The following KCNK17 variants were observed in gnomAD, a reference collection of about 807,000 sequenced individuals.
The protein encoded by KCNK17 is potassium two pore domain channel subfamily K member 17, also known as potassium channel subfamily K member 17.
In KCNK17, 27 loss-of-function variants were observed where a neutral mutation model predicts 24.6. The observed-to-expected ratio is 1.10, with a 90% CI of 0.81 to 1.51. The LOEUF is 1.51. KCNK17 is among the 40% of genes most tolerant of loss of function. The probability of loss-of-function intolerance (pLI) is 0.00; values close to 1 mark genes in which losing one functional copy is unlikely to be tolerated. For missense variants in KCNK17, 450 were observed against 436.6 expected, an observed-to-expected ratio of 1.03 and a Z score of -0.27; for synonymous variants, 181 against 189.8, an observed-to-expected ratio of 0.95 and a Z score of 0.38.
chr6:39,303,533 C>G (rs1232290540), intron 4 of KCNK17, among the ~76,000 whole-genome samples: 2 of 152,206 alleles, frequency 1.3e-5, no homozygotes, highest in African/African-American at 4.8e-5. Context: ...TCCCACAGGG[C>G]TCTGGGGAGG....
rs377699172 is a variant in KCNK17, at chr6:39,310,958, G to A, written c.287C>T (p.Thr96Ile). 4.3e-6 allele frequency: 7 copies of A among 1,610,914 alleles called. No homozygotes were observed. The African/African-American group carries it at 9.3e-5, about 22-fold the overall frequency. The change falls in exon 2 of 5, where the codon ACC becomes ATC. Residue 96 changes from threonine (T) to isoleucine (I), a missense_variant. Physicochemically the swap from Thr to Ile is moderately conservative, Grantham distance 89 (BLOSUM62 -1). Transcript: ENST00000373231. ...KNGASLLSNT[T>I]SMGRWELVGS... ...CACGAGCTCCCAGCGCCCCATGCTG[G>A]TGGTGTTGCTGAGGAGGCTGGCTCC...
At chr6:39,300,386 A>G (rs1380890033) in intron 4 of KCNK17, 1 of 1,138,832 alleles carries the variant, frequency 8.8e-7, no homozygotes, top group South Asian at 1.3e-5. Flanking sequence ...GGCCTCCCAA[A>G]GTGTTAGAAT....
chr6:39,306,245 T>C (rs557055710), intron 2 of KCNK17, among the ~76,000 whole-genome samples: 182 of 152,304 alleles, frequency 1.2e-3, no homozygotes, highest in Admixed American at 3.3e-3. Context: ...GGTTTTGCCA[T>C]GTTGGCCAGG....
chr6:39,305,585 C>G (rs764971626), intron 2 of KCNK17, among the ~76,000 whole-genome samples: 4 of 152,216 alleles, frequency 2.6e-5, no homozygotes, highest in Non-Finnish European at 5.9e-5. Context: ...TCTGGACATT[C>G]TTTTCTCCTC....
Position 39,299,301 on chromosome 6 carries a change from A to G in KCNK17, c.*126T>C. On this transcript the variant is annotated 3_prime_UTR_variant, in exon 5 of 5. Coordinates refer to ENST00000373231, the MANE Select transcript of KCNK17 (RefSeq NM_031460.4). ...TCTGTATACCCTATTGGGCAGAATT[A>G]ATCATATAGCTGCACCCAGCCTCTA... 7.0e-6 allele frequency: 5 copies of G among 710,784 alleles called. No individual in the cohort carries two copies. The highest frequency in any genetic ancestry group is 1.9e-5 in the South Asian group (1 of 53,102). 44.0% of individuals were successfully genotyped at this position (710,784 alleles called of 1,614,324 possible).
chr6:39,314,177 C>T lies in KCNK17; in HGVS notation c.144G>A (p.Ala48=), dbSNP rs1440459494. 5.1e-6 allele frequency: 8 copies of T among 1,558,850 alleles called. No individual in the cohort carries two copies. Among genetic ancestry groups the T allele is most frequent in the Non-Finnish European group, 6.9e-6 (8 of 1,156,012 alleles). Residue 48 remains alanine, a synonymous_variant, in exon 1 of 5, where the codon GCG becomes GCA. Transcript: ENST00000373231. ...GVFWTLEGRA[A]QDSSRSFQRD... ...GCTGGAAGCTGCGGCTGGAGTCCTG[C>T]GCCGCGCGGCCCTCCAGCGTCCAGA...
chr6:39,303,117 T>C (rs1761971349), intron 4 of KCNK17, among the ~76,000 whole-genome samples: 1 of 152,206 alleles, frequency 6.6e-6, no homozygotes, highest in Non-Finnish European at 1.5e-5. Context: ...ATTGTTGCTG[T>C]AGGTTGCCTG....
rs747419286 is a variant in KCNK17, at chr6:39,299,611, C to T, written c.815G>A (p.Arg272Lys). ...LILSQLETPG[R>K]VCSCCHHSSK... ...GCTGTGGTGGCAGCAGGAACATACC[C>T]TCCCTGGCGTCTCCAGCTGGGAGAG... Residue 272 changes from arginine to lysine, a missense_variant, in exon 5 of 5, where the codon AGG (arginine) becomes AAG (lysine). By Grantham distance (26) the Arg-to-Lys change is conservative. Coordinates refer to ENST00000373231, the MANE Select transcript of KCNK17 (RefSeq NM_031460.4). The T allele has an allele frequency of 1.2e-6, 2 of 1,614,164 alleles. No individual in the cohort carries two copies. Among genetic ancestry groups the T allele is most frequent in the Non-Finnish European group, 8.5e-7 (1 of 1,180,032 alleles).
chr6:39,303,259 G>A (rs918262375), intron 4 of KCNK17, among the ~76,000 whole-genome samples: 1 of 152,312 alleles, frequency 6.6e-6, no homozygotes, highest in African/African-American at 2.4e-5. Context: ...TGAGGCTGGC[G>A]CGGTAGTGGT....
chr6:39,301,777 C>T (rs907268055), intron 4 of KCNK17, among the ~76,000 whole-genome samples: 1 of 152,204 alleles, frequency 6.6e-6, no homozygotes, highest in Non-Finnish European at 1.5e-5. Context: ...CCACAGCCTT[C>T]AGGCAGAGGA....
chr6:39,307,151 A>C (rs1256008940), intron 2 of KCNK17, among the ~76,000 whole-genome samples: 2 of 151,988 alleles, frequency 1.3e-5, no homozygotes, highest in Non-Finnish European at 2.9e-5. Flanking sequence ...CTCCTGTAAA[A>C]TGGGGATGCT....
At chr6:39,304,358 G>A in intron 3 of KCNK17, 137 bp downstream of exon 3, 1 of 865,044 alleles carries the variant, frequency 1.2e-6, no homozygotes, top group South Asian at 1.6e-5. Context: ...ACCCTATTCT[G>A]AGCAGTGACC....
intron 1 of KCNK17, 32 bp downstream of exon 1, chr6:39,314,052 C>G: frequency 6.6e-7 from 1 of 1,511,022 alleles, no homozygotes; most frequent in Non-Finnish European, 8.9e-7. Flanking sequence ...CCCCATCCCG[C>G]CGCGCCCAGG....
chr6:39,300,558 C>A (rs1394194665), intron 4 of KCNK17: 1 of 1,547,238 alleles, frequency 6.5e-7, no homozygotes, highest in Admixed American at 2.0e-5. Flanking sequence ...ACAATGGAAC[C>A]ATAAGAATAT....
At chr6:39,304,751 A>T in intron 2 of KCNK17, 96 bp from the exon 3 acceptor site, 1 of 1,349,886 alleles carries the variant, frequency 7.4e-7, no homozygotes, top group Non-Finnish European at 1.0e-6. Flanking sequence ...CAGGGCCCTC[A>T]TTCTAACCCA....
At chr6:39,307,740 T>A (rs62397170) in intron 2 of KCNK17, among the ~76,000 whole-genome samples, 1 of 152,206 alleles carries the variant, frequency 6.6e-6, no homozygotes, top group African/African-American at 2.4e-5. Flanking sequence ...CTTCAGCATG[T>A]CTCCTCACTG....
intron 2 of KCNK17, among the ~76,000 whole-genome samples, chr6:39,309,019 T>C (rs1390187918): frequency 6.6e-6 from 1 of 152,226 alleles, no homozygotes; most frequent in East Asian, 1.9e-4. Flanking sequence ...TGTGCCACCG[T>C]GTCCCCATCT....
chr6:39,301,822 A>G (rs186090102), intron 4 of KCNK17, among the ~76,000 whole-genome samples: 1 of 152,176 alleles, frequency 6.6e-6, no homozygotes, highest in Non-Finnish European at 1.5e-5. Context: ...GTGGCTGCTG[A>G]TGCAGGGATG....
chr6:39,304,541 T>A lies in KCNK17; in HGVS notation c.467A>T (p.Gln156Leu), dbSNP rs756812108. 1 of 1,614,154 alleles carries A rather than the reference T, an allele frequency of 6.2e-7. No individual in the cohort carries two copies. Among genetic ancestry groups the A allele is most frequent in the East Asian group, 2.2e-5 (1 of 44,868 alleles). The change falls in exon 3 of 5, where the codon CAG (glutamine) becomes CTG (leucine). Residue 156 changes from glutamine to leucine, a missense_variant. Gln to Leu is a moderately radical substitution (Grantham distance 113). Transcript: ENST00000373231. ...GCTGGCCCAGTGGTTTACTCCCTGC[T>A]GCATGAGATGCCCCAGTCGGTTGAG... is the stretch of plus-strand genomic sequence containing the variant. ...VVLNRLGHLM[Q>L]QGVNHWASRL...
Sources: allele counts gnomAD v4.1 joint callset (sites outside exome capture counted in the v4.1 genomes callset), GRCh38; gene constraint gnomAD v4.1.1; transcripts MANE v1.5; gene names NCBI Gene and HGNC (gene_info 2026-07-23, HGNC 2026-07-21).